Variants in FAAH2 observed in about 807,000 individuals in gnomAD.
FAAH2 encodes fatty acid amide hydrolase 2.
Under a neutral mutation model 36.9 loss-of-function variants are expected in FAAH2, and 60 were observed. The ratio of observed to expected loss-of-function variants is 1.63; its 90% CI spans 1.32 to 2.02. FAAH2 has a LOEUF of 2.02. Among genes scored for constraint, FAAH2 ranks in the 30% most tolerant of loss-of-function variants. The pLI, the probability that FAAH2 is intolerant of heterozygous loss-of-function variation, is 0.00. For synonymous variants in FAAH2, 214 were observed against 143.8 expected, an observed-to-expected ratio of 1.49 and a Z score of -3.49; for missense variants, 689 against 397.5, an observed-to-expected ratio of 1.73 and a Z score of -6.23.
chrX:57,452,292 A>G (rs2056799565), intron 10 of FAAH2: 1 of 754,502 alleles, frequency 1.3e-6, no homozygotes, highest in South Asian at 6.7e-5. Context: ...TTAGAGTGAA[A>G]CTCAAGATTT....
At chrX:57,270,937 T>A in the FAAH2 span, among the ~76,000 whole-genome samples, 1 of 111,958 alleles carries the variant, frequency 8.9e-6, no homozygotes, top group Non-Finnish European at 1.9e-5. Flanking sequence ...GGAGCTCTTT[T>A]TTTCCCATAC....
intron 10 of FAAH2, among the ~76,000 whole-genome samples, chrX:57,483,065 A>G (rs1030382906): frequency 9.0e-6 from 1 of 111,499 alleles, no homozygotes; most frequent in Admixed American, 9.6e-5. Context: ...TAGCAAGATT[A>G]GCAAAATGTT....
At chrX:57,447,082 A>G (rs999992046) in intron 9 of FAAH2, 43 bp downstream of exon 9, 1 of 922,730 alleles carries the variant, frequency 1.1e-6, no homozygotes, top group Admixed American at 3.3e-5. Context: ...GATGTCCTGT[A>G]ATATTTCTTA....
chrX:57,300,603 A>G (rs2052326273), intron 2 of FAAH2, among the ~76,000 whole-genome samples: 1 of 112,000 alleles, frequency 8.9e-6, no homozygotes, highest in Admixed American at 9.5e-5. Context: ...GCCAAAATTG[A>G]CAAATGGGAT....
chrX:57,478,694 T>C (rs1179411523), intron 10 of FAAH2, among the ~76,000 whole-genome samples: 11 of 111,694 alleles, frequency 9.8e-5, no homozygotes, highest in Non-Finnish European at 1.3e-4. Flanking sequence ...CCAGTTTCAG[T>C]TTTCTACATA....
At chrX:57,442,718 A>G (rs1033647986) in intron 8 of FAAH2, among the ~76,000 whole-genome samples, 8 of 111,762 alleles carry the variant, frequency 7.2e-5, no homozygotes, top group African/African-American at 2.6e-4. Flanking sequence ...CAGTTTTTAC[A>G]ATTTGGCATG....
At chrX:57,245,698 G>A in the FAAH2 span, among the ~76,000 whole-genome samples, 1 of 112,201 alleles carries the variant, frequency 8.9e-6, no homozygotes, top group Non-Finnish European at 1.9e-5. Flanking sequence ...AACACAATGT[G>A]GCAGAATCTG....
the FAAH2 span, among the ~76,000 whole-genome samples, chrX:57,247,175 G>T: frequency 9.0e-6 from 1 of 111,482 alleles, no homozygotes; most frequent in African/African-American, 3.3e-5. Flanking sequence ...TACTAGTTTA[G>T]GTTAATAATT....
At chrX:57,194,575 GATTT>G in the FAAH2 span, among the ~76,000 whole-genome samples, 4 of 110,145 alleles carry the variant, frequency 3.6e-5, no homozygotes, top group Admixed American at 2.9e-4. Context: ...ATTTTATTAA[GATTT>G]ATTTATTTAT....
chrX:57,222,557 C>T, the FAAH2 span, among the ~76,000 whole-genome samples: 24 of 111,738 alleles, frequency 2.1e-4, no homozygotes, highest in African/African-American at 7.8e-4. Flanking sequence ...AAAACTATCT[C>T]TCCATGCCAA....
intron 10 of FAAH2, among the ~76,000 whole-genome samples, chrX:57,481,091 A>G (rs2057370776): frequency 2.7e-5 from 3 of 109,348 alleles, no homozygotes; most frequent in South Asian, 7.9e-4. Flanking sequence ...CAGCTCCATC[A>G]TGTCATTTAT....
At chrX:57,301,573 T>C (rs1281721183) in intron 2 of FAAH2, among the ~76,000 whole-genome samples, 2 of 103,826 alleles carry the variant, frequency 1.9e-5, no homozygotes, top group Non-Finnish European at 3.9e-5. Context: ...GTAACAAACC[T>C]GCACGTTGTG....
intron 2 of FAAH2, among the ~76,000 whole-genome samples, chrX:57,301,671 T>G (rs1468687119): frequency 9.1e-6 from 1 of 109,603 alleles, no homozygotes; most frequent in Admixed American, 9.8e-5. Flanking sequence ...TAAAATCTAA[T>G]AAAAAAATGT....
At chrX:57,394,952 A>G (rs2055257417) in intron 7 of FAAH2, 1 of 599,662 alleles carries the variant, frequency 1.7e-6, no homozygotes, top group Non-Finnish European at 3.0e-6. Flanking sequence ...TGTCTCTTTC[A>G]TGAGTTCCAA....
intron 8 of FAAH2, among the ~76,000 whole-genome samples, chrX:57,433,946 A>T (rs1197702729): frequency 8.9e-6 from 1 of 112,002 alleles, no homozygotes; most frequent in African/African-American, 3.2e-5. Context: ...GAAAGCCTGA[A>T]AAAGAAATGT....
rs1731008367 is a variant in FAAH2 at position 57,481,857 on chromosome X, C to T, written c.1424-6900C>T. On this transcript the variant is annotated intron_variant, in intron 10 of 10. Transcript: ENST00000374900. ...AAATCCGCTGAAGCTGCTCCCACAG[C>T]TACCCCTTCCCCCAGATGCTCTGTC... Among the ~76,000 whole-genome samples, 3 of 112,089 alleles carry T rather than the reference C, an allele frequency of 2.7e-5. No homozygotes were observed. The South Asian group carries it at 1.1e-3, about 42-fold the overall frequency.
chrX:57,405,421 A>T (rs948655996), intron 7 of FAAH2, among the ~76,000 whole-genome samples: 1 of 110,431 alleles, frequency 9.1e-6, no homozygotes, highest in African/African-American at 3.3e-5. Flanking sequence ...ATAAGGACGA[A>T]CCCAGGCACT....
the FAAH2 span, among the ~76,000 whole-genome samples, chrX:57,166,176 C>T: frequency 4.5e-5 from 5 of 110,237 alleles, no homozygotes; most frequent in Non-Finnish European, 9.5e-5. Context: ...GAAACACCAC[C>T]TTCCCACTCC....
At chrX:57,363,888 C>T (rs765289901) in intron 5 of FAAH2, among the ~76,000 whole-genome samples, 1 of 110,611 alleles carries the variant, frequency 9.0e-6, no homozygotes, top group African/African-American at 3.3e-5. Context: ...ATATGTTGAG[C>T]AATCTCTGCA....
Sources: allele counts gnomAD v4.1 joint callset (sites outside exome capture counted in the v4.1 genomes callset), GRCh38; gene constraint gnomAD v4.1.1; transcripts MANE v1.5; gene names NCBI Gene and HGNC (gene_info 2026-07-23, HGNC 2026-07-21).